The following NBEA variants were observed in gnomAD, a reference collection of about 807,000 sequenced individuals.
NBEA encodes neurobeachin, also known as lysosomal-trafficking regulator 2.
Under a neutral mutation model 343.4 loss-of-function variants are expected in NBEA, and 44 were observed. The ratio of observed to expected loss-of-function variants is 0.13; its 90% CI spans 0.10 to 0.16. The LOEUF is 0.16. Among genes scored for constraint, NBEA ranks in the 10% least tolerant of loss-of-function variants. The pLI is 1.00. For missense variants in NBEA, 2,555 were observed against 3,631.3 expected (o/e 0.70, Z 7.62); for synonymous variants, 1,175 against 1,238.7 (o/e 0.95, Z 1.08).
At chr13:35,402,962 C>G (rs1046985731) in intron 38 of NBEA, among the ~76,000 whole-genome samples, 1 of 152,024 alleles carries the variant, frequency 6.6e-6, no homozygotes, top group African/African-American at 2.4e-5. Flanking sequence ...CTTTTAGTTC[C>G]ATTATCAGTA....
chr13:35,285,560 T>C (rs2035364973), intron 34 of NBEA, among the ~76,000 whole-genome samples: 1 of 152,138 alleles, frequency 6.6e-6, no homozygotes, highest in Non-Finnish European at 1.5e-5. Flanking sequence ...GGTATCATCA[T>C]CACACTCTGA....
chr13:35,134,740 C>T (rs566752712), intron 17 of NBEA, among the ~76,000 whole-genome samples: 1 of 151,912 alleles, frequency 6.6e-6, no homozygotes, highest in Admixed American at 6.6e-5. Flanking sequence ...TGGAGGCTAA[C>T]ATGAAGAAAC....
intron 36 of NBEA, among the ~76,000 whole-genome samples, chr13:35,334,017 T>C (rs2039090174): frequency 6.6e-6 from 1 of 151,984 alleles, no homozygotes; most frequent in African/African-American, 2.4e-5. Flanking sequence ...AGAGTGTAGA[T>C]AACTCTTCCG....
At position 35,045,379 on chromosome 13, in the gene NBEA, A is replaced by G. The variant is rs762314080; in HGVS notation, c.701A>G (p.Asn234Ser). 4.1e-5 allele frequency: 66 copies of G among 1,610,836 alleles called. No individual in the cohort carries two copies. The highest frequency in any genetic ancestry group is 1.1e-4 in the South Asian group (10 of 90,510). The change falls in exon 4 of 59, where the codon AAT (asparagine) becomes AGT (serine). Residue 234 changes from asparagine to serine, a missense_variant. By Grantham distance (46) the Asn-to-Ser change is conservative (BLOSUM62 1). Around this residue, in one of 21 missense-constraint regions of NBEA, gnomAD observed 185 missense variants for 290.6 expected, o/e 0.64. Transcript: ENST00000379939. The part of the protein sequence containing the change: ...PQRHGPDTFF[N>S]FPGCSAAAIA... ...AGACACGGTCCTGATACTTTTTTCA[A>G]TTTCCCTGGTTGTAGCGCTGCGGTA... is the stretch of plus-strand genomic sequence containing the variant.
At chr13:35,203,231 T>C (rs2073139724) in intron 31 of NBEA, among the ~76,000 whole-genome samples, 1 of 152,172 alleles carries the variant, frequency 6.6e-6, no homozygotes. Flanking sequence ...CAAGGCCCTG[T>C]GAACTCAGCC....
At chr13:34,968,394 A>C (rs568914308) in intron 1 of NBEA, among the ~76,000 whole-genome samples, 1 of 152,260 alleles carries the variant, frequency 6.6e-6, no homozygotes, top group East Asian at 1.9e-4. Flanking sequence ...TAAGGGCCCC[A>C]ACATGAGTTA....
At chr13:35,243,732 T>C (rs1358886232) in intron 34 of NBEA, among the ~76,000 whole-genome samples, 1 of 151,788 alleles carries the variant, frequency 6.6e-6, no homozygotes, top group Non-Finnish European at 1.5e-5. Flanking sequence ...GTACCAAACA[T>C]GAGAGTTCCT....
At chr13:35,540,494 C>T (rs1240111708) in intron 41 of NBEA, among the ~76,000 whole-genome samples, 1 of 151,868 alleles carries the variant, frequency 6.6e-6, no homozygotes, top group Non-Finnish European at 1.5e-5. Context: ...GAAACATAGC[C>T]AAAGATACAA....
chr13:35,333,096 C>G (rs943243799), intron 36 of NBEA, among the ~76,000 whole-genome samples: 10 of 152,058 alleles, frequency 6.6e-5, no homozygotes, highest in Middle Eastern at 3.4e-3. Context: ...TCACCAGAAA[C>G]AAAAGCAAAC....
intron 13 of NBEA, among the ~76,000 whole-genome samples, chr13:35,112,429 A>G (rs770783259): frequency 6.6e-6 from 1 of 152,028 alleles, no homozygotes; most frequent in African/African-American, 2.4e-5. Flanking sequence ...GCATCTATAT[A>G]TAACTTTGTT....
chr13:35,479,238 G>A lies in NBEA; in HGVS notation c.6585+6702G>A, dbSNP rs1217748662. 5.9e-5 allele frequency among the ~76,000 whole-genome samples: 9 copies of A among 152,188 alleles called. No individual in the cohort carries two copies. The East Asian group carries it at 1.7e-3, about 29-fold the overall frequency. ...AGCACCCCTCACACAAGGAGCTGAAGGTGATTTACATAACATAGGATTCAC... is the reference window on the plus strand; with the variant it reads ...AGCACCCCTCACACAAGGAGCTGAAAGTGATTTACATAACATAGGATTCAC... On this transcript the variant is annotated intron_variant, in intron 41 of 58. Coordinates refer to ENST00000379939, the MANE Select transcript of NBEA (RefSeq NM_001385012.1).
chr13:34,974,949 A>G (rs2060115839), intron 1 of NBEA, among the ~76,000 whole-genome samples: 1 of 152,152 alleles, frequency 6.6e-6, no homozygotes, highest in African/African-American at 2.4e-5. Flanking sequence ...ATAGAACACT[A>G]GTTTTCACAA....
intron 8 of NBEA, among the ~76,000 whole-genome samples, chr13:35,061,679 A>G (rs751706564): frequency 2.6e-5 from 4 of 151,706 alleles, no homozygotes; most frequent in Admixed American, 6.6e-5. Flanking sequence ...ATAAAGTTCT[A>G]ACTGATAAGA....
chr13:35,221,234 C>G (rs148398158), intron 33 of NBEA, among the ~76,000 whole-genome samples: 5 of 151,918 alleles, frequency 3.3e-5, no homozygotes, highest in African/African-American at 1.2e-4. Context: ...ATCCCAGCTA[C>G]TTGGGAGGCT....
chr13:35,591,010 C>A (rs1383219815), intron 46 of NBEA, among the ~76,000 whole-genome samples: 1 of 151,982 alleles, frequency 6.6e-6, no homozygotes, highest in African/African-American at 2.4e-5. Flanking sequence ...GGTGGGAAGT[C>A]CAACAGTGAA....
intron 46 of NBEA, among the ~76,000 whole-genome samples, chr13:35,584,464 A>G (rs1180826499): frequency 2.0e-5 from 3 of 151,316 alleles, no homozygotes; most frequent in African/African-American, 4.9e-5. Flanking sequence ...AACTACAGGC[A>G]TGTAACACCT....
At chr13:35,476,008 TC>T in intron 41 of NBEA, 3 of 1,614,194 alleles carry the variant, frequency 1.9e-6, no homozygotes, top group Non-Finnish European at 2.5e-6. Flanking sequence ...CACTTCCACT[TC>T]CTTCAGTACG....
chr13:35,129,755 A>G (rs2067314994), intron 17 of NBEA, among the ~76,000 whole-genome samples: 1 of 152,134 alleles, frequency 6.6e-6, no homozygotes, highest in African/African-American at 2.4e-5. Context: ...GATTTCTCAG[A>G]TTTTGGAAGT....
At chr13:35,502,594 A>G (rs994126434) in intron 41 of NBEA, among the ~76,000 whole-genome samples, 4 of 151,922 alleles carry the variant, frequency 2.6e-5, no homozygotes, top group African/African-American at 7.3e-5. Flanking sequence ...TAGTGAATGA[A>G]CAGTGTGCTG....
Sources: allele counts gnomAD v4.1 joint callset (sites outside exome capture counted in the v4.1 genomes callset), GRCh38; gene constraint gnomAD v4.1.1; regional missense constraint gnomAD v4.1.1; transcripts MANE v1.5; gene names NCBI Gene and HGNC (gene_info 2026-07-23, HGNC 2026-07-21).